Variants in ST3GAL3 observed in about 807,000 individuals in gnomAD.
The protein encoded by ST3GAL3 is CMP-N-acetylneuraminate-beta-1,4-galactoside alpha-2,3-sialyltransferase.
In ST3GAL3, 21 loss-of-function variants were observed where a neutral mutation model predicts 50.1. The observed-to-expected ratio is 0.42, with a 90% CI of 0.30 to 0.60. The LOEUF (loss-of-function observed/expected upper bound fraction) is 0.60. Ranked by LOEUF, ST3GAL3 falls within the 20% of genes least tolerant of loss-of-function variation. The probability of loss-of-function intolerance (pLI) is 0.19; values close to 1 mark genes in which losing one functional copy is unlikely to be tolerated. For missense variants in ST3GAL3, 353 were observed against 489.4 expected (o/e 0.72, Z 2.63); for synonymous variants, 183 against 190.0 (o/e 0.96, Z 0.30).
At chr1:43,924,067 A>G (rs2083496188) in intron 11 of ST3GAL3, among the ~76,000 whole-genome samples, 1 of 152,178 alleles carries the variant, frequency 6.6e-6, no homozygotes, top group African/African-American at 2.4e-5. Context: ...TTCAGTCTAC[A>G]GCAGGTTTAT....
chr1:43,899,577 C>A lies in ST3GAL3; in HGVS notation c.594C>A (p.Asp198Glu). 1 of 1,613,916 alleles carries A rather than the reference C, an allele frequency of 6.2e-7. No individual in the cohort carries two copies. Among genetic ancestry groups the A allele is most frequent in the East Asian group, 2.2e-5 (1 of 44,878 alleles). The change falls in exon 9 of 12, where the codon GAC becomes GAA. Residue 198 changes from aspartate to glutamate, a missense_variant. Transcript: ENST00000347631. The surrounding 1 kb of genome is among the most constrained non-coding windows in gnomAD (Gnocchi z 5.4). Reference sequence around the variant, plus strand: ...CACCAGTGAAAGGCTTTGAGAAGGACGTGGGCAGCAAAACGACACTGCGCA... The same window carrying A: ...CACCAGTGAAAGGCTTTGAGAAGGAAGTGGGCAGCAAAACGACACTGCGCA... ...NSAPVKGFEK[D>E]VGSKTTLRIT...
rs557069980 is a variant in ST3GAL3, at chr1:43,880,150, G to A, written c.303-14233G>A. 2.0e-5 allele frequency among the ~76,000 whole-genome samples: 3 copies of A among 152,228 alleles called. No individual in the cohort carries two copies. The South Asian group carries it at 6.2e-4, about 31-fold the overall frequency. ...CAGGCATTTACGGAGCACCTGCTGT[G>A]TACTTGGCTGAGAGCTAGGGGTGCC... On this transcript the variant is annotated intron_variant, in intron 5 of 11. Transcript: ENST00000347631.
At chr1:43,772,053 GAGTTTCACTCTTGTTGCCTAGGCACA>G (rs1176875271) in intron 2 of ST3GAL3, 4 of 395,248 alleles carry the variant, frequency 1.0e-5, no homozygotes, top group African/African-American at 8.4e-5. Flanking sequence ...TTTTTAGATG[GAGTTTCACTCTTGTTGCCTAGGCACA>G]AGTTTCACTC....
chr1:43,819,237 G>C (rs2061784170), intron 4 of ST3GAL3: 1 of 152,204 alleles, frequency 6.6e-6, no homozygotes, highest in Non-Finnish European at 1.5e-5. Flanking sequence ...GGGATTACAG[G>C]CATGTGCCAC....
rs758961973 is a variant in ST3GAL3 at position 43,909,923 on chromosome 1, CAG to C, written c.744+10197_744+10198del. ...GTCAGAGAAATTAATGTGAAGGAAA[CAG>C]GGTGCCATTTATCACCTACCATGTT... On this transcript the variant is annotated intron_variant, in intron 9 of 11. Coordinates refer to ENST00000347631, the MANE Select transcript of ST3GAL3 (RefSeq NM_006279.5). Among the ~76,000 whole-genome samples the C allele has an allele frequency of 4.6e-5, 7 of 152,292 alleles. No individual in the cohort carries two copies. In the East Asian group the frequency reaches 7.7e-4, roughly 17 times the overall value.
chr1:43,838,253 T>A lies in ST3GAL3; in HGVS notation c.244T>A (p.Ser82Thr), dbSNP rs201552654. 3.3e-5 allele frequency: 54 copies of A among 1,613,962 alleles called. 1 individual carries two copies. In the South Asian group the frequency reaches 5.5e-4, roughly 16 times the overall value. ...ATTAGCCACCAAGTACGCAAACTTT[T>A]CAGAGGGAGCTTGCAAGCCTGGCTA... ...AELATKYANF[S>T]EGACKPGYAS... Residue 82 changes from serine (S) to threonine (T), a missense_variant, in exon 5 of 12, where the codon TCA (serine) becomes ACA (threonine). Ser to Thr is a moderately conservative substitution (Grantham distance 58, BLOSUM62 1). Transcript: ENST00000347631.
chr1:43,718,636 G>C (rs1353198688), intron 1 of ST3GAL3, among the ~76,000 whole-genome samples: 1 of 139,728 alleles, frequency 7.2e-6, no homozygotes, highest in Non-Finnish European at 1.6e-5. Context: ...TTGAGTTAAA[G>C]GTGTTTAAAG....
intron 2 of ST3GAL3, among the ~76,000 whole-genome samples, chr1:43,789,143 T>C (rs1333651964): frequency 6.6e-6 from 1 of 152,176 alleles, no homozygotes; most frequent in East Asian, 1.9e-4. Context: ...AGGGTTTTAT[T>C]AAAGAACAGA....
rs1689516029 is a variant in ST3GAL3 at position 43,759,557 on chromosome 1, CTT to C, written c.118+23178_118+23179del. On this transcript the variant is annotated intron_variant, in intron 2 of 11. Coordinates refer to ENST00000347631, the MANE Select transcript of ST3GAL3 (RefSeq NM_006279.5). ...AGCAAGAAGAGCTGTGCTTATAAGA[CTT>C]AGTCTCTCTGAGCAAAGCAGAGAAC... is the stretch of plus-strand genomic sequence containing the variant. Among the ~76,000 whole-genome samples, 6 of 152,344 alleles carry C rather than the reference CTT, an allele frequency of 3.9e-5. No individual in the cohort carries two copies. The South Asian group carries it at 1.2e-3, about 32-fold the overall frequency.
chr1:43,920,411 CG>C lies in ST3GAL3; in HGVS notation c.754del (p.Asp252MetfsTer56). On this transcript the variant is annotated frameshift_variant, in exon 10 of 12. Transcript: ENST00000347631. LOFTEE classifies it high-confidence loss of function. ...YIVYKERVSA[S>X]DGFWKSVATR... ...CTTTTGCTGTGTCCACAGAGTGCATCGGATGGCTTCTGGAAATCTGTGGCCA... is the reference window on the plus strand; with the variant it reads ...CTTTTGCTGTGTCCACAGAGTGCATCGATGGCTTCTGGAAATCTGTGGCCA... 6.2e-7 allele frequency: 1 copy of C among 1,614,096 alleles called. No individual in the cohort carries two copies.
chr1:43,752,042 C>T (rs1479970176), intron 2 of ST3GAL3, among the ~76,000 whole-genome samples: 1 of 152,124 alleles, frequency 6.6e-6, no homozygotes, highest in African/African-American at 2.4e-5. Flanking sequence ...GTCTCGAACT[C>T]CTGACCTCAG....
chr1:43,890,899 A>G (rs747038526), intron 5 of ST3GAL3, among the ~76,000 whole-genome samples: 3 of 152,110 alleles, frequency 2.0e-5, no homozygotes, highest in Non-Finnish European at 4.4e-5. Context: ...ATGCTCAACA[A>G]TATCCGAATG....
At chr1:43,858,594 C>T (rs1017355834) in intron 5 of ST3GAL3, among the ~76,000 whole-genome samples, 1 of 152,226 alleles carries the variant, frequency 6.6e-6, no homozygotes, top group Admixed American at 6.5e-5. Flanking sequence ...CCTGGCCCTC[C>T]TCCTGAGCTG....
Position 43,838,292 on chromosome 1 carries a change from A to G in ST3GAL3, c.283A>G (p.Met95Val). 1 of 1,613,702 alleles carries G rather than the reference A, an allele frequency of 6.2e-7. No homozygotes were observed. Among genetic ancestry groups the G allele is most frequent in the Non-Finnish European group, 8.5e-7 (1 of 1,179,822 alleles). Reference sequence around the variant, plus strand: ...CAAGCCTGGCTATGCTTCAGCCTTGATGACGGCCATCTTCCCCCGGTAAGT... The same window carrying G: ...CAAGCCTGGCTATGCTTCAGCCTTGGTGACGGCCATCTTCCCCCGGTAAGT... ...ACKPGYASAL[M>V]TAIFPRFSKP... Residue 95 changes from methionine (M) to valine (V), a missense_variant, in exon 5 of 12, where the codon ATG (methionine) becomes GTG (valine). Physicochemically the swap from Met to Val is conservative, Grantham distance 21. Coordinates refer to ENST00000347631, the MANE Select transcript of ST3GAL3 (RefSeq NM_006279.5).
intron 3 of ST3GAL3, among the ~76,000 whole-genome samples, chr1:43,798,942 C>T (rs2059008047): frequency 6.6e-6 from 1 of 152,148 alleles, no homozygotes; most frequent in Non-Finnish European, 1.5e-5. Flanking sequence ...TGCTTGAGGT[C>T]AAATAAATAA....
At chr1:43,833,802 T>G (rs1283434316) in intron 4 of ST3GAL3, among the ~76,000 whole-genome samples, 1 of 152,150 alleles carries the variant, frequency 6.6e-6, no homozygotes, top group Non-Finnish European at 1.5e-5. Flanking sequence ...GGGGATGGGT[T>G]CTACCTGAGA....
At chr1:43,830,675 A>C (rs184094341) in intron 4 of ST3GAL3, among the ~76,000 whole-genome samples, 11 of 152,344 alleles carry the variant, frequency 7.2e-5, no homozygotes, top group Admixed American at 7.2e-4. Flanking sequence ...TTTATGAGAT[A>C]TAGCCCTTCC....
chr1:43,821,499 A>G (rs1000269504), intron 4 of ST3GAL3, among the ~76,000 whole-genome samples: 1 of 152,166 alleles, frequency 6.6e-6, no homozygotes, highest in Non-Finnish European at 1.5e-5. Context: ...CATAATTGAA[A>G]GTTAGAATGT....
intron 2 of ST3GAL3, among the ~76,000 whole-genome samples, chr1:43,743,181 A>T (rs996844554): frequency 1.8e-4 from 27 of 147,738 alleles, no homozygotes; most frequent in Middle Eastern, 3.4e-3. Flanking sequence ...GAAGGAAAAA[A>T]AAATAAATAA....
Sources: allele counts gnomAD v4.1 joint callset (sites outside exome capture counted in the v4.1 genomes callset), GRCh38; gene constraint gnomAD v4.1.1; non-coding constraint Gnocchi (gnomAD v3.1); transcripts MANE v1.5; gene names NCBI Gene and HGNC (gene_info 2026-07-23, HGNC 2026-07-21).